KMT2C: variants seen among roughly 807,000 people sequenced by gnomAD.
The protein encoded by KMT2C is histone-lysine N-methyltransferase 2C.
Under a neutral mutation model 507.9 loss-of-function variants are expected in KMT2C, and 88 were observed. That is an observed-to-expected ratio of 0.17 (90% CI 0.15 to 0.21). KMT2C has a LOEUF of 0.21. KMT2C is among the 10% of genes least tolerant of loss of function. KMT2C has a pLI of 1.00. For missense variants in KMT2C, 4,954 were observed against 5,957.8 expected, an observed-to-expected ratio of 0.83 and a Z score of 5.55; for synonymous variants, 2,049 against 2,080.8, an observed-to-expected ratio of 0.98 and a Z score of 0.42.
intron 9 of KMT2C, among the ~76,000 whole-genome samples, chr7:152,253,514 C>CAAAAAAAAAAAAAAAA (rs71198770): frequency 4.0e-4 from 16 of 39,514 alleles, no homozygotes; most frequent in African/African-American, 1.2e-3. Context: ...TCTTTCTCTA[C>CAAAAAAAAAAAAAAAA]AAAAAAAAAA....
intron 1 of KMT2C, among the ~76,000 whole-genome samples, chr7:152,395,666 C>A (rs2097534009): frequency 6.6e-6 from 1 of 152,096 alleles, no homozygotes; most frequent in Non-Finnish European, 1.5e-5. Flanking sequence ...TACCACCATG[C>A]CAGGCTAATT....
Position 152,252,561 on chromosome 7 carries a change from C to A in KMT2C, c.1454G>T (p.Cys485Phe). Residue 485 changes from cysteine to phenylalanine, a missense_variant, in exon 10 of 59, where the codon TGT becomes TTT. By Grantham distance (205) the Cys-to-Phe change is radical. Around this residue, in one of 29 missense-constraint regions of KMT2C, gnomAD observed 376 missense variants for 352.4 expected, o/e 1.07. Coordinates refer to ENST00000262189, the MANE Select transcript of KMT2C (RefSeq NM_170606.3). ...ATCTTCTTACCTTTTGCACATATTA[C>A]AATGAAGCATGTCTTTCTGCAATTC... ...HPELQKDMLH[C>F]NMCKRWVHLE... is the part of the protein sequence containing the mutation. The A allele has an allele frequency of 6.2e-7, 1 of 1,612,750 alleles. No individual in the cohort carries two copies. Among genetic ancestry groups the A allele is most frequent in the Non-Finnish European group, 8.5e-7 (1 of 1,179,248 alleles).
At position 152,148,787 on chromosome 7, in the gene KMT2C, A is replaced by G. The variant is rs983346356; in HGVS notation, c.13140T>C (p.Asp4380=). The G allele has an allele frequency of 1.2e-6, 2 of 1,614,254 alleles. No homozygotes were observed. The highest frequency in any genetic ancestry group is 4.5e-5 in the East Asian group (2 of 44,894). Residue 4380 remains aspartate (D), a synonymous_variant, in exon 52 of 59, where the codon GAT becomes GAC. Coordinates refer to ENST00000262189, the MANE Select transcript of KMT2C (RefSeq NM_170606.3). This position sits in a 1 kb window ranked among gnomAD's most constrained non-coding sequence, Gnocchi z 7.1. The stretch of plus-strand genomic sequence containing the variant: ...AAGTGCCCAATTTCTTTAGAAATTC[A>G]TCTATTTCATCCTCACAAGGTGGTT... ...TFKPPCEDEI[D]EFLKKLGTSL...
intron 18 of KMT2C, among the ~76,000 whole-genome samples, chr7:152,225,896 T>C (rs1309221190): frequency 1.3e-5 from 2 of 152,158 alleles, no homozygotes; most frequent in Non-Finnish European, 2.9e-5. Context: ...AAAAACTCCA[T>C]GAAAGACAAA....
At chr7:152,410,823 G>A (rs929865524) in intron 1 of KMT2C, among the ~76,000 whole-genome samples, 2 of 151,416 alleles carry the variant, frequency 1.3e-5, no homozygotes, top group Admixed American at 6.6e-5. Flanking sequence ...ATCGAGAGAC[G>A]CCGTCTCTAC....
chr7:152,149,969 T>C (rs2091471293), intron 51 of KMT2C, among the ~76,000 whole-genome samples: 2 of 152,204 alleles, frequency 1.3e-5, no homozygotes, highest in Non-Finnish European at 2.9e-5. Context: ...AGATCTAAAT[T>C]TATTTGTCAT....
intron 51 of KMT2C, among the ~76,000 whole-genome samples, chr7:152,150,086 G>T (rs889228230): frequency 7.9e-5 from 12 of 152,136 alleles, no homozygotes; most frequent in African/African-American, 2.4e-4. Flanking sequence ...CCTGGATGGA[G>T]GAATGACTGG....
chr7:152,269,105 C>T (rs1205681567), intron 7 of KMT2C, among the ~76,000 whole-genome samples: 1 of 152,180 alleles, frequency 6.6e-6, no homozygotes, highest in Admixed American at 6.5e-5. Flanking sequence ...TGTATTTATA[C>T]TGCACAGCAC....
rs377654464 is a variant in KMT2C at position 152,369,469 on chromosome 7, C to CA, written c.162-10795dup. Among the ~76,000 whole-genome samples, 506 of 152,068 alleles carry CA rather than the reference C, an allele frequency of 3.3e-3. 4 individuals carry two copies. Among genetic ancestry groups the CA allele is most frequent in the African/African-American group, 0.012 (492 of 41,496 alleles). On this transcript the variant is annotated intron_variant, in intron 1 of 58. Transcript: ENST00000262189. ...AAGATTCCAGCAAAACTAACACACA[C>CA]AAAAAAATGACTACTATGGTTTGAA... is the stretch of plus-strand genomic sequence containing the variant.
intron 39 of KMT2C, among the ~76,000 whole-genome samples, chr7:152,173,744 G>A (rs1216460043): frequency 1.3e-5 from 2 of 151,962 alleles, no homozygotes; most frequent in Middle Eastern, 6.8e-3. Context: ...TTTTATTTTA[G>A]AACTGAATTT....
At chr7:152,273,384 T>C (rs2096013820) in intron 7 of KMT2C, among the ~76,000 whole-genome samples, 1 of 152,178 alleles carries the variant, frequency 6.6e-6, no homozygotes, top group Non-Finnish European at 1.5e-5. Context: ...TTTTAATAAA[T>C]TATTTTATAG....
At chr7:152,331,572 G>A (rs10227573) in intron 2 of KMT2C, among the ~76,000 whole-genome samples, 1,763 of 150,682 alleles carry the variant, frequency 0.012, 36 homozygotes, top group African/African-American at 0.041. Context: ...TGGCACCACT[G>A]GACTCCAGCC....
chr7:152,332,235 ATTC>A (rs2096891468), intron 2 of KMT2C, among the ~76,000 whole-genome samples: 1 of 152,034 alleles, frequency 6.6e-6, no homozygotes, highest in Admixed American at 6.6e-5. Flanking sequence ...CCCTAACATC[ATTC>A]TTCTTGTTTA....
In KMT2C at chr7:152,179,836, A is replaced by G. The variant is rs776377326; in HGVS notation, c.7440T>C (p.Phe2480=). 8 of 1,612,866 alleles carry G rather than the reference A, an allele frequency of 5.0e-6. No homozygotes were observed. The highest frequency in any genetic ancestry group is 4.5e-5 in the East Asian group (2 of 44,862). ...VASMGMRPHG[F]RFGFPGGSHG... is the part of the protein sequence containing the mutation. The stretch of plus-strand genomic sequence containing the variant: ...CGGCAGGAAATTAAAAGCATTACCT[A>G]AATCCATGAGGTCTCATCCCCATAC... Residue 2480 remains phenylalanine (F), a splice_region_variant and synonymous_variant, in exon 37 of 59, where the codon TTT becomes TTC. Coordinates refer to ENST00000262189, the MANE Select transcript of KMT2C (RefSeq NM_170606.3).
Position 152,178,015 on chromosome 7 carries a change from T to TTAAAAAAAAAAAAAAAAAAAAA in KMT2C, c.7443-6_7443-5insTTTTTTTTTTTTTTTTTTTTTA, listed in dbSNP as rs1491309235. ...CTACCTCCTGGAAATCCAAATCTTTTAAAAAAAAAAAAAAAAAAAAAAAAA... is the reference window on the plus strand; with the variant it reads ...CTACCTCCTGGAAATCCAAATCTTTTTAAAAAAAAAAAAAAAAAAAAAAAAAAAAAAAAAAAAAAAAAAAAAA... On this transcript the variant is annotated splice_polypyrimidine_tract_variant and splice_region_variant and intron_variant, in intron 37 of 58. Coordinates refer to ENST00000262189, the MANE Select transcript of KMT2C (RefSeq NM_170606.3). 3.9e-6 allele frequency: 3 copies of TTAAAAAAAAAAAAAAAAAAAAA among 777,676 alleles called. No homozygotes were observed. The African/African-American group carries it at 9.7e-5, about 25-fold the overall frequency. The allele number at this position is 777,676 out of a possible 1,614,324, so 48.2% of individuals were successfully genotyped here.
At chr7:152,183,675 T>TCACCTGAGGTCGGGAGTTCGA (rs2093512234) in intron 34 of KMT2C, among the ~76,000 whole-genome samples, 1 of 152,074 alleles carries the variant, frequency 6.6e-6, no homozygotes, top group South Asian at 2.1e-4. Flanking sequence ...GGCGGGTGGA[T>TCACCTGAGGTCGGGAGTTCGA]CACCTGAGGT....
At position 152,205,395 on chromosome 7, in the gene KMT2C, C is replaced by CAAAAAA. The variant is rs35077313; in HGVS notation, c.3842-176_3842-171dup. On this transcript the variant is annotated intron_variant, in intron 24 of 58. Transcript: ENST00000262189. ...AGGTAAAATAGAAGTTAAAAACGAC[C>CAAAAAA]AAAAAAAAAAAAAAAAAAGGCAAAG... 3.5e-5 allele frequency among the ~76,000 whole-genome samples: 2 copies of CAAAAAA among 57,214 alleles called. 1 individual carries two copies. 37.5% of individuals were successfully genotyped at this position (57,214 alleles called of 152,430 possible).
intron 6 of KMT2C, among the ~76,000 whole-genome samples, chr7:152,288,541 T>C (rs112215243): frequency 6.6e-6 from 1 of 151,122 alleles, no homozygotes; most frequent in East Asian, 1.9e-4. Flanking sequence ...AATAAATAAA[T>C]AAATAAATAA....
chr7:152,219,850 A>C (rs1292008726), intron 23 of KMT2C, among the ~76,000 whole-genome samples: 18 of 152,092 alleles, frequency 1.2e-4, no homozygotes, highest in Admixed American at 8.5e-4. Flanking sequence ...AAAAAATACA[A>C]AAATTAGCCA....
Sources: allele counts gnomAD v4.1 joint callset (sites outside exome capture counted in the v4.1 genomes callset), GRCh38; gene constraint gnomAD v4.1.1; regional missense constraint gnomAD v4.1.1; non-coding constraint Gnocchi (gnomAD v3.1); transcripts MANE v1.5; gene names NCBI Gene and HGNC (gene_info 2026-07-23, HGNC 2026-07-21).